ZNF727: variants seen among roughly 807,000 people sequenced by gnomAD.
ZNF727 encodes putative zinc finger protein 727.
A neutral mutation model predicts 11.5 loss-of-function variants in ZNF727; 11 were observed. That is an observed-to-expected ratio of 0.95 (90% CI 0.60 to 1.58). The LOEUF is 1.58. Among genes scored for constraint, ZNF727 ranks in the 40% most tolerant of loss-of-function variants. ZNF727 has a pLI of 0.00. For missense variants in ZNF727, 533 were observed against 581.7 expected, an observed-to-expected ratio of 0.92 and a Z score of 0.86; for synonymous variants, 171 against 196.1, an observed-to-expected ratio of 0.87 and a Z score of 1.07.
Position 64,079,563 on chromosome 7 carries a change from C to G in ZNF727, c.*1014C>G, listed in dbSNP as rs1371620660. Among the ~76,000 whole-genome samples, 1 of 152,048 alleles carries G rather than the reference C, an allele frequency of 6.6e-6. No homozygotes were observed. The highest frequency in any genetic ancestry group is 1.9e-4 in the East Asian group (1 of 5,180). On this transcript the variant is annotated 3_prime_UTR_variant, in exon 4 of 4. Coordinates refer to ENST00000456806, the MANE Select transcript of ZNF727 (RefSeq NM_001159522.3). ...GGTAGACTTTTCCCTTTATTTTGAG[C>G]TTATTTGAAATGGGTATCTCAATTA...
chr7:64,048,377 T>A (rs1177283867), intron 1 of ZNF727, among the ~76,000 whole-genome samples: 2 of 152,208 alleles, frequency 1.3e-5, no homozygotes, highest in Admixed American at 6.5e-5. Context: ...TTGGGAATGC[T>A]ACCTGGGAAA....
intron 3 of ZNF727, among the ~76,000 whole-genome samples, chr7:64,072,202 C>G (rs138516094): frequency 5.3e-5 from 8 of 152,138 alleles, no homozygotes; most frequent in African/African-American, 1.9e-4. Context: ...CAAATCTTCT[C>G]TTGGGTCAGT....
At chr7:64,070,620 A>G (rs908116520) in intron 3 of ZNF727, among the ~76,000 whole-genome samples, 4 of 152,064 alleles carry the variant, frequency 2.6e-5, no homozygotes, top group African/African-American at 7.2e-5. Flanking sequence ...ATAACCTTAC[A>G]TACTTACTTT....
chr7:64,074,730 AG>A (rs1790014862), intron 3 of ZNF727, among the ~76,000 whole-genome samples: 1 of 152,172 alleles, frequency 6.6e-6, no homozygotes, highest in African/African-American at 2.4e-5. Flanking sequence ...TTATTTTAGT[AG>A]GAACTAAGCT....
intron 1 of ZNF727, among the ~76,000 whole-genome samples, chr7:64,050,239 A>G (rs906400412): frequency 6.6e-6 from 1 of 152,116 alleles, no homozygotes; most frequent in African/African-American, 2.4e-5. Context: ...TACCATGTAG[A>G]TAATATACAA....
At chr7:64,067,201 A>G (rs1789883028) in intron 1 of ZNF727, among the ~76,000 whole-genome samples, 3 of 152,206 alleles carry the variant, frequency 2.0e-5, no homozygotes, top group Admixed American at 1.3e-4. Flanking sequence ...ATGAGATAGT[A>G]TCTCATGTCA....
chr7:64,084,836 G>T lies in ZNF727; in HGVS notation c.*6287G>T, dbSNP rs1785849425. Among the ~76,000 whole-genome samples the T allele has an allele frequency of 6.6e-6, 1 of 152,096 alleles. No individual in the cohort carries two copies. The highest frequency in any genetic ancestry group is 2.4e-5 in the African/African-American group (1 of 41,436). ...AAAATATTCGTATTTGTTTATGGTTGTATACCTATTTTGAGAAGAAAAGAA... is the reference window on the plus strand; with the variant it reads ...AAAATATTCGTATTTGTTTATGGTTTTATACCTATTTTGAGAAGAAAAGAA... On this transcript the variant is annotated 3_prime_UTR_variant, in exon 4 of 4. Transcript: ENST00000456806.
rs1323481995 is a variant in ZNF727, at chr7:64,081,127, G to A, written c.*2578G>A. Reference sequence around the variant, plus strand: ...ATATGGGGTTTCTGCCTGTCTTTGGGTATTCACTTCAGTGGCAGGAGCAAA... The same window carrying A: ...ATATGGGGTTTCTGCCTGTCTTTGGATATTCACTTCAGTGGCAGGAGCAAA... On this transcript the variant is annotated 3_prime_UTR_variant, in exon 4 of 4. Coordinates refer to ENST00000456806, the MANE Select transcript of ZNF727 (RefSeq NM_001159522.3). 6.6e-6 allele frequency among the ~76,000 whole-genome samples: 1 copy of A among 152,022 alleles called. No individual in the cohort carries two copies. The highest frequency in any genetic ancestry group is 2.4e-5 in the African/African-American group (1 of 41,408).
rs144082935 is a variant in ZNF727 at position 64,045,770 on chromosome 7, C to T, written c.3+146C>T. Reference sequence around the variant, plus strand: ...GCACAGTTCAGTCCTCACTTCCCTCCGTCGCAGATTAGGAGCTGAGCCTGC... The same window carrying T: ...GCACAGTTCAGTCCTCACTTCCCTCTGTCGCAGATTAGGAGCTGAGCCTGC... On this transcript the variant is annotated intron_variant, in intron 1 of 3. Transcript: ENST00000456806. The T allele has an allele frequency of 3.7e-6, 4 of 1,068,690 alleles. No individual in the cohort carries two copies. In the African/African-American group the frequency reaches 4.8e-5, roughly 13 times the overall value. The allele number at this position is 1,068,690 out of a possible 1,614,324, so 66.2% of individuals were successfully genotyped here.
Position 64,078,966 on chromosome 7 carries a change from T to A in ZNF727, c.*417T>A, listed in dbSNP as rs118120831. ...TCGGCCCTTAGAAAACATAAGAGAA[T>A]TCATACTGGAGAGACACCCTACATC... On this transcript the variant is annotated 3_prime_UTR_variant, in exon 4 of 4. Coordinates refer to ENST00000456806, the MANE Select transcript of ZNF727 (RefSeq NM_001159522.3). Among the ~76,000 whole-genome samples the A allele has an allele frequency of 2.9e-3, 405 of 138,532 alleles. 4 individuals are homozygous for A. The Middle Eastern group carries it at 0.037, about 13-fold the overall frequency. 90.9% of individuals were successfully genotyped at this position (138,532 alleles called of 152,430 possible).
At chr7:64,062,825 G>C (rs1789795225) in intron 1 of ZNF727, among the ~76,000 whole-genome samples, 1 of 149,212 alleles carries the variant, frequency 6.7e-6, no homozygotes, top group South Asian at 2.1e-4. Flanking sequence ...TCATCTGACT[G>C]TATCTTTTCA....
In ZNF727 at chr7:64,079,434, G is replaced by A. The variant is rs1263155346; in HGVS notation, c.*885G>A. On this transcript the variant is annotated 3_prime_UTR_variant, in exon 4 of 4. Transcript: ENST00000456806. ...TGCATATATAGCCCTTTACTATTAT[G>A]TAATGCCATTTTTTGTCTTTTTAAA... Among the ~76,000 whole-genome samples the A allele has an allele frequency of 6.6e-6, 1 of 151,842 alleles. No individual in the cohort carries two copies. The highest frequency in any genetic ancestry group is 2.4e-5 in the African/African-American group (1 of 41,186).
intron 1 of ZNF727, among the ~76,000 whole-genome samples, chr7:64,050,602 C>G (rs1467569818): frequency 6.6e-6 from 1 of 152,054 alleles, no homozygotes; most frequent in Non-Finnish European, 1.5e-5. Flanking sequence ...TTCCAAACAG[C>G]CAGTAAAGTT....
chr7:64,058,012 A>G (rs1456058809), intron 1 of ZNF727, among the ~76,000 whole-genome samples: 1 of 152,196 alleles, frequency 6.6e-6, no homozygotes, highest in Admixed American at 6.5e-5. Flanking sequence ...CTCATGCTAT[A>G]ATAACTTCTC....
chr7:64,053,772 C>T (rs893442029), intron 1 of ZNF727, among the ~76,000 whole-genome samples: 5 of 152,142 alleles, frequency 3.3e-5, no homozygotes, highest in African/African-American at 7.2e-5. Context: ...TCCAATTAAA[C>T]CTTTTTCTTT....
rs1222102269 is a variant in ZNF727 at position 64,084,826 on chromosome 7, G to A, written c.*6277G>A. 6.6e-6 allele frequency among the ~76,000 whole-genome samples: 1 copy of A among 152,086 alleles called. No homozygotes were observed. The highest frequency in any genetic ancestry group is 1.5e-5 in the Non-Finnish European group (1 of 67,976). Reference sequence around the variant, plus strand: ...ATTTATAGAGAAAATATTCGTATTTGTTTATGGTTGTATACCTATTTTGAG... The same window carrying A: ...ATTTATAGAGAAAATATTCGTATTTATTTATGGTTGTATACCTATTTTGAG... On this transcript the variant is annotated 3_prime_UTR_variant, in exon 4 of 4. Coordinates refer to ENST00000456806, the MANE Select transcript of ZNF727 (RefSeq NM_001159522.3).
intron 1 of ZNF727, among the ~76,000 whole-genome samples, chr7:64,063,479 ATC>A (rs777067252): frequency 0.025 from 3,851 of 151,418 alleles, 94 homozygotes; most frequent in African/African-American, 0.069. Flanking sequence ...AATAAATGGA[ATC>A]TCTCTCTCTC....
chr7:64,077,558 A>G lies in ZNF727; in HGVS notation c.509A>G (p.Glu170Gly), dbSNP rs1785691368. ...FTEHKKIFSREKCYKCEECGK... is the reference protein window; with the variant it reads ...FTEHKKIFSRGKCYKCEECGK... ...GAACATAAGAAAATTTTTAGCAGAG[A>G]GAAATGCTACAAATGTGAAGAATGT... is the stretch of plus-strand genomic sequence containing the variant. Residue 170 changes from glutamate (E) to glycine (G), a missense_variant, in exon 4 of 4, where the codon GAG becomes GGG. Glu to Gly is a moderately conservative substitution (Grantham distance 98). Transcript: ENST00000456806. 1.3e-6 allele frequency: 2 copies of G among 1,551,360 alleles called. No homozygotes were observed. Among genetic ancestry groups the G allele is most frequent in the South Asian group, 1.2e-5 (1 of 84,054 alleles).
At chr7:64,071,540 A>G (rs1789962196) in intron 3 of ZNF727, among the ~76,000 whole-genome samples, 1 of 151,892 alleles carries the variant, frequency 6.6e-6, no homozygotes, top group South Asian at 2.1e-4. Context: ...CTAACCACTT[A>G]TCGGATATGG....
Sources: allele counts gnomAD v4.1 joint callset (sites outside exome capture counted in the v4.1 genomes callset), GRCh38; gene constraint gnomAD v4.1.1; transcripts MANE v1.5; gene names NCBI Gene and HGNC (gene_info 2026-07-23, HGNC 2026-07-21).